The following BFSP2 variants were observed in gnomAD, a reference collection of about 807,000 sequenced individuals.
BFSP2 encodes beaded filament structural protein 2, also known as phakinin.
In BFSP2, 38 loss-of-function variants were observed where a neutral mutation model predicts 44.9. The ratio of observed to expected loss-of-function variants is 0.85; its 90% CI spans 0.65 to 1.11. The LOEUF is 1.11. BFSP2 is among the 50% of genes least tolerant of loss of function. The probability of loss-of-function intolerance (pLI) is 0.00; values close to 1 mark genes in which losing one functional copy is unlikely to be tolerated. For synonymous variants in BFSP2, 197 were observed against 209.9 expected, an observed-to-expected ratio of 0.94 and a Z score of 0.53; for missense variants, 525 against 533.0, an observed-to-expected ratio of 0.99 and a Z score of 0.15.
At chr3:133,455,414 C>T (rs2074004860) in intron 4 of BFSP2, 1 of 152,184 alleles carries the variant, frequency 6.6e-6, no homozygotes. Flanking sequence ...GTCCTCAACT[C>T]CTAGAGGCCA....
intron 1 of BFSP2, among the ~76,000 whole-genome samples, chr3:133,408,136 A>G (rs958128085): frequency 5.3e-5 from 8 of 152,332 alleles, no homozygotes; most frequent in Non-Finnish European, 1.0e-4. Context: ...AGGTTAAAAT[A>G]GCCCTATTTT....
At chr3:133,419,380 T>C (rs1481214093) in intron 1 of BFSP2, among the ~76,000 whole-genome samples, 2 of 152,200 alleles carry the variant, frequency 1.3e-5, no homozygotes, top group South Asian at 2.1e-4. Context: ...CCAGGATCAA[T>C]TCAGTGTTGT....
At chr3:133,469,428 T>G (rs2074142073) in intron 5 of BFSP2, among the ~76,000 whole-genome samples, 1 of 152,260 alleles carries the variant, frequency 6.6e-6, no homozygotes, top group South Asian at 2.1e-4. Flanking sequence ...AGGCACTATT[T>G]GCATTGGAAG....
At chr3:133,454,476 G>A (rs2073995295) in intron 4 of BFSP2, among the ~76,000 whole-genome samples, 1 of 152,184 alleles carries the variant, frequency 6.6e-6, no homozygotes, top group South Asian at 2.1e-4. Context: ...CCTGCCTGAA[G>A]TAGTATCAGA....
chr3:133,424,562 G>A (rs2073626403), intron 1 of BFSP2, among the ~76,000 whole-genome samples: 1 of 152,122 alleles, frequency 6.6e-6, no homozygotes, highest in African/African-American at 2.4e-5. Context: ...TGGAAAAGGA[G>A]AGTTATCATT....
At position 133,400,417 on chromosome 3, in the gene BFSP2, G is replaced by A. The variant is rs2073352937; in HGVS notation, c.334G>A (p.Gly112Arg). The A allele has an allele frequency of 6.2e-7, 1 of 1,614,064 alleles. No homozygotes were observed. Among genetic ancestry groups the A allele is most frequent in the Non-Finnish European group, 8.5e-7 (1 of 1,180,036 alleles). The change falls in exon 1 of 7, where the codon GGG becomes AGG. Residue 112 changes from glycine to arginine, a missense_variant. Physicochemically the swap from Gly to Arg is moderately radical, Grantham distance 125. Transcript: ENST00000302334. This position sits in a 1 kb window ranked among gnomAD's most constrained non-coding sequence, Gnocchi z 4.0. ...ERDHGAVEDL[G>R]GCLVEYMAKV... ...GGACCATGGTGCTGTTGAGGACCTA[G>A]GGGGCTGCCTGGTGGAATATATGGC...
chr3:133,428,991 T>C (rs2073681485), intron 1 of BFSP2, among the ~76,000 whole-genome samples: 1 of 151,988 alleles, frequency 6.6e-6, no homozygotes, highest in African/African-American at 2.4e-5. Flanking sequence ...AGCCACCTAA[T>C]ACTCAGCATT....
intron 1 of BFSP2, among the ~76,000 whole-genome samples, chr3:133,430,400 C>A (rs2073701456): frequency 6.6e-6 from 1 of 151,686 alleles, no homozygotes; most frequent in Non-Finnish European, 1.5e-5. Context: ...TATTTCTCCA[C>A]ATCCTCTCCA....
chr3:133,410,377 G>T, intron 1 of BFSP2: 1 of 307,746 alleles, frequency 3.2e-6, no homozygotes, highest in Non-Finnish European at 6.3e-6. Context: ...TAGCAGTAGT[G>T]GGAGCAGAAG....
chr3:133,467,506 T>C (rs1576599046), intron 5 of BFSP2, among the ~76,000 whole-genome samples: 1 of 151,876 alleles, frequency 6.6e-6, no homozygotes, highest in South Asian at 2.1e-4. Flanking sequence ...CCTTAATGAT[T>C]TGCGAGTTCC....
chr3:133,423,081 A>G (rs893980864), intron 1 of BFSP2, among the ~76,000 whole-genome samples: 2 of 152,186 alleles, frequency 1.3e-5, no homozygotes, highest in Non-Finnish European at 2.9e-5. Context: ...ATTATTTCTG[A>G]ACCTAAAACC....
intron 4 of BFSP2, among the ~76,000 whole-genome samples, chr3:133,461,755 G>A (rs999714629): frequency 1.3e-5 from 2 of 152,180 alleles, no homozygotes; most frequent in African/African-American, 4.8e-5. Flanking sequence ...GATTTGAGAA[G>A]GAACACAGTG....
intron 1 of BFSP2, among the ~76,000 whole-genome samples, chr3:133,401,663 C>G (rs2073363610): frequency 6.6e-6 from 1 of 152,236 alleles, no homozygotes; most frequent in Non-Finnish European, 1.5e-5. Context: ...TCCTCCTCCT[C>G]TTTCTCTCCA....
intron 4 of BFSP2, among the ~76,000 whole-genome samples, chr3:133,461,062 G>A (rs573016515): frequency 6.6e-6 from 1 of 152,242 alleles, no homozygotes; most frequent in East Asian, 1.9e-4. Flanking sequence ...CTGAACACTC[G>A]CCTTCCCCTC....
At chr3:133,457,920 A>G (rs1186465018) in intron 4 of BFSP2, among the ~76,000 whole-genome samples, 2 of 152,188 alleles carry the variant, frequency 1.3e-5, no homozygotes, top group Non-Finnish European at 2.9e-5. Context: ...GTGGTTTCCA[A>G]TCTTTTGCTA....
In BFSP2 at chr3:133,475,116, T is replaced by C. The variant is rs2074202078; in HGVS notation, c.*144T>C. 2 of 1,157,338 alleles carry C rather than the reference T, an allele frequency of 1.7e-6. No homozygotes were observed. The highest frequency in any genetic ancestry group is 3.4e-5 in the Admixed American group (2 of 58,166). The allele number at this position is 1,157,338 out of a possible 1,614,324, so 71.7% of individuals were successfully genotyped here. On this transcript the variant is annotated 3_prime_UTR_variant, in exon 7 of 7. Coordinates refer to ENST00000302334, the MANE Select transcript of BFSP2 (RefSeq NM_003571.4). ...CTTGAGCTGAAAAGCTTCCTGGAAGTGGAGAGGATCCTTCTGCTTTAATCT... is the reference window on the plus strand; with the variant it reads ...CTTGAGCTGAAAAGCTTCCTGGAAGCGGAGAGGATCCTTCTGCTTTAATCT...
At chr3:133,466,776 G>A in intron 4 of BFSP2, 52 bp from the exon 5 acceptor site, 1 of 1,605,398 alleles carries the variant, frequency 6.2e-7, no homozygotes, top group Non-Finnish European at 8.5e-7. Flanking sequence ...AAGGAAGGAT[G>A]GGCTCAGATT....
chr3:133,418,301 G>A (rs959954603), intron 1 of BFSP2, among the ~76,000 whole-genome samples: 4 of 152,090 alleles, frequency 2.6e-5, no homozygotes, highest in Non-Finnish European at 4.4e-5. Context: ...CCAGCTCTGA[G>A]GAGAAAGGTT....
intron 1 of BFSP2, among the ~76,000 whole-genome samples, chr3:133,433,713 A>G (rs751265021): frequency 6.6e-6 from 1 of 152,174 alleles, no homozygotes; most frequent in Non-Finnish European, 1.5e-5. Context: ...TAGTCAAATC[A>G]GCCAAGCATT....
Sources: gnomAD v4.1 joint callset for allele counts (sites outside exome capture counted in the v4.1 genomes callset) on GRCh38, gnomAD v4.1.1 for gene constraint, Gnocchi (gnomAD v3.1) non-coding constraint, MANE v1.5 for transcripts, NCBI Gene and HGNC (gene_info 2026-07-23, HGNC 2026-07-21) for gene names.